Variants in ATP13A1 observed in about 807,000 individuals in gnomAD.
The protein encoded by ATP13A1 is endoplasmic reticulum transmembrane helix translocase.
In ATP13A1, 55 loss-of-function variants were observed where a neutral mutation model predicts 134.8. That is an observed-to-expected ratio of 0.41 (90% CI 0.33 to 0.51). The LOEUF (loss-of-function observed/expected upper bound fraction) is 0.51, where lower values mean the gene tolerates loss of function less well. Among genes scored for constraint, ATP13A1 ranks in the 20% least tolerant of loss-of-function variants. The probability of loss-of-function intolerance (pLI) is 0.29; values close to 1 mark genes in which losing one functional copy is unlikely to be tolerated. For missense variants in ATP13A1, 1,389 were observed against 1,652.8 expected (o/e 0.84, Z 2.77); for synonymous variants, 775 against 725.1 (o/e 1.07, Z -1.10).
In ATP13A1 at chr19:19,654,012, T is replaced by C. The variant is rs903162473; in HGVS notation, c.1946A>G (p.Tyr649Cys). ...YEKLGSTDLCYIAAVKGAPET... is the reference protein window; with the variant it reads ...YEKLGSTDLCCIAAVKGAPET... ...GGGGGCCCCCTTCACGGCCGCGATG[T>C]AGCAGAGGTCGGTGGAGCCCAGCTT... Residue 649 changes from tyrosine to cysteine, a missense_variant, in exon 14 of 26, where the codon TAC (tyrosine) becomes TGC (cysteine). Coordinates refer to ENST00000357324, the MANE Select transcript of ATP13A1 (RefSeq NM_020410.3). 6.3e-7 allele frequency: 1 copy of C among 1,599,190 alleles called. No individual in the cohort carries two copies. The highest frequency in any genetic ancestry group is 8.5e-7 in the Non-Finnish European group (1 of 1,173,292).
intron 16 of ATP13A1, 30 bp downstream of exon 16, chr19:19,652,565 C>A: frequency 6.3e-7 from 1 of 1,596,244 alleles, no homozygotes. Flanking sequence ...ATTTCCCATG[C>A]AGAGGGTGGA....
chr19:19,646,762 C>A, intron 22 of ATP13A1: 1 of 384,424 alleles, frequency 2.6e-6, no homozygotes, highest in Non-Finnish European at 4.8e-6. Context: ...TTCTTTACGC[C>A]TTGGCCTGAG....
At chr19:19,661,951 T>A (rs2062097518) in intron 1 of ATP13A1, 1 of 1,342,692 alleles carries the variant, frequency 7.4e-7, no homozygotes, top group African/African-American at 1.5e-5. Context: ...GCAGATATCA[T>A]CTCCGCTTCT....
Position 19,645,864 on chromosome 19 carries a change from C to T in ATP13A1, c.3360+10G>A. 1.1e-5 allele frequency: 17 copies of T among 1,613,604 alleles called. No individual in the cohort carries two copies. The highest frequency in any genetic ancestry group is 1.3e-5 in the African/African-American group (1 of 75,058). Reference sequence around the variant, plus strand: ...AGACAGTGAATGTTTGGGCAGGGCCCAGGCCTTACTTTGTAATTGATGGCG... The same window carrying T: ...AGACAGTGAATGTTTGGGCAGGGCCTAGGCCTTACTTTGTAATTGATGGCG... On this transcript the variant is annotated intron_variant, in intron 24 of 25. Coordinates refer to ENST00000357324, the MANE Select transcript of ATP13A1 (RefSeq NM_020410.3). The surrounding 1 kb of genome is among the most constrained non-coding windows in gnomAD (Gnocchi z 4.1).
In ATP13A1 at chr19:19,652,739, A is replaced by G. The variant is rs369938079; in HGVS notation, c.2101-19T>C. 1.3e-5 allele frequency: 20 copies of G among 1,593,960 alleles called. No homozygotes were observed. The highest frequency in any genetic ancestry group is 3.4e-5 in the Admixed American group (2 of 58,362). On this transcript the variant is annotated intron_variant, in intron 15 of 25. Transcript: ENST00000357324. The stretch of plus-strand genomic sequence containing the variant: ...CCCGGGCCTGCGGACAGACAGGGGC[A>G]CCCTCACCATCTGTCCCTCCCTCTG...
chr19:19,663,652 C>G lies in ATP13A1; in HGVS notation c.15G>C (p.Ala5=). The G allele has an allele frequency of 7.8e-7, 1 of 1,288,768 alleles. No individual in the cohort carries two copies. Among genetic ancestry groups the G allele is most frequent in the Non-Finnish European group, 9.8e-7 (1 of 1,020,488 alleles). The allele number at this position is 1,288,768 out of a possible 1,614,324, so 79.8% of individuals were successfully genotyped here. MAAA[A]AVGNAVPCGA... ...CGCAGGGCACCGCGTTGCCCACCGC[C>G]GCCGCTGCCGCCATCTTTCCTAGCG... is the stretch of plus-strand genomic sequence containing the variant. Residue 5 remains alanine, a synonymous_variant, in exon 1 of 26, where the codon GCG becomes GCC. Transcript: ENST00000357324.
chr19:19,647,249 G>C lies in ATP13A1; in HGVS notation c.2985C>G (p.Ala995=). The part of the protein sequence containing the change: ...LQMFKILALN[A]LILAYSQSVL... ...CGCTCTGGCTGTAGGCCAGGATGAG[G>C]GCATTGAGCGCCAGGATCTTGAACA... Residue 995 remains alanine (A), a synonymous_variant, in exon 22 of 26, where the codon GCC becomes GCG. Coordinates refer to ENST00000357324, the MANE Select transcript of ATP13A1 (RefSeq NM_020410.3). The surrounding 1 kb of genome is among the most constrained non-coding windows in gnomAD (Gnocchi z 4.8). 2 of 1,613,912 alleles carry C rather than the reference G, an allele frequency of 1.2e-6. No homozygotes were observed. The highest frequency in any genetic ancestry group is 1.7e-6 in the Non-Finnish European group (2 of 1,179,880).
Position 19,656,153 on chromosome 19 carries a change from C to A in ATP13A1, c.1114G>T (p.Val372Leu), listed in dbSNP as rs747514200. 1 of 1,613,254 alleles carries A rather than the reference C, an allele frequency of 6.2e-7. No homozygotes were observed. The highest frequency in any genetic ancestry group is 1.3e-5 in the African/African-American group (1 of 74,910). ...EPIEDLSPDR[V>L]LDLQADSRLH... is the part of the protein sequence containing the mutation. ...CGGGAATCAGCCTGGAGGTCCAGCA[C>A]CCGGTCTGGGCTGAGGTCTTCGATG... is the stretch of plus-strand genomic sequence containing the variant. The change falls in exon 8 of 26, where the codon GTG (valine) becomes TTG (leucine). Residue 372 changes from valine (V) to leucine (L), a missense_variant. Coordinates refer to ENST00000357324, the MANE Select transcript of ATP13A1 (RefSeq NM_020410.3). The surrounding 1 kb of genome is among the most constrained non-coding windows in gnomAD (Gnocchi z 4.6).
chr19:19,656,195 G>A lies in ATP13A1; in HGVS notation c.1084-12C>T. The A allele has an allele frequency of 6.3e-7, 1 of 1,591,706 alleles. No homozygotes were observed. Among genetic ancestry groups the A allele is most frequent in the Non-Finnish European group, 8.6e-7 (1 of 1,167,084 alleles). ...TCTTCGATGGGCTCCTGGGGAGGAA[G>A]ATCGTGAATCTGGATGGCCAGGCCT... On this transcript the variant is annotated splice_polypyrimidine_tract_variant and intron_variant, in intron 7 of 25. Coordinates refer to ENST00000357324, the MANE Select transcript of ATP13A1 (RefSeq NM_020410.3). This position sits in a 1 kb window ranked among gnomAD's most constrained non-coding sequence, Gnocchi z 4.6.
intron 17 of ATP13A1, chr19:19,650,355 G>C (rs2062016514): frequency 5.3e-6 from 1 of 189,536 alleles, no homozygotes; most frequent in Non-Finnish European, 1.1e-5. Flanking sequence ...GTTTTCTCGG[G>C]GCTGGGCCCC....
chr19:19,655,246 G>A lies in ATP13A1; in HGVS notation c.1535-7C>T. On this transcript the variant is annotated splice_region_variant and splice_polypyrimidine_tract_variant and intron_variant, in intron 11 of 25. Coordinates refer to ENST00000357324, the MANE Select transcript of ATP13A1 (RefSeq NM_020410.3). The surrounding 1 kb of genome is among the most constrained non-coding windows in gnomAD (Gnocchi z 5.7). ...GGCTCTGTGCAGTACATGTCTAGGG[G>A]CGGGAGTGAGGTCAGGGGTCCTGCT... 1 of 1,614,000 alleles carries A rather than the reference G, an allele frequency of 6.2e-7. No individual in the cohort carries two copies. Among genetic ancestry groups the A allele is most frequent in the Non-Finnish European group, 8.5e-7 (1 of 1,179,888 alleles).
chr19:19,655,788 C>A lies in ATP13A1; in HGVS notation c.1269+90G>T, dbSNP rs541157249. On this transcript the variant is annotated intron_variant, in intron 9 of 25. Transcript: ENST00000357324. The surrounding 1 kb of genome is among the most constrained non-coding windows in gnomAD (Gnocchi z 5.7). Reference sequence around the variant, plus strand: ...CAGGGCCGTGCTGCCAGAGTCAGCCCGTGGGGCAGATGTTCTGGGGTCGGA... The same window carrying A: ...CAGGGCCGTGCTGCCAGAGTCAGCCAGTGGGGCAGATGTTCTGGGGTCGGA... 3.9e-6 allele frequency: 6 copies of A among 1,535,384 alleles called. No individual in the cohort carries two copies. The highest frequency in any genetic ancestry group is 1.2e-5 in the South Asian group (1 of 84,238).
At chr19:19,658,754 G>A (rs547173483) in intron 3 of ATP13A1, among the ~76,000 whole-genome samples, 12 of 152,248 alleles carry the variant, frequency 7.9e-5, no homozygotes, top group Middle Eastern at 3.4e-3. Flanking sequence ...ACATGGTCAC[G>A]GTCTTCCATC....
Position 19,653,832 on chromosome 19 carries a change from G to T in ATP13A1, c.2052C>A (p.Arg684=). The part of the protein sequence containing the change: ...IHTEISREGA[R]VLALGYKELG... ...GCTCCTTGTACCCCAGCGCCAGGAC[G>T]CGGGCTCCTTCCCGGGAGATCTCGG... The change falls in exon 15 of 26, where the codon CGC becomes CGA. Residue 684 remains arginine (R), a synonymous_variant. Coordinates refer to ENST00000357324, the MANE Select transcript of ATP13A1 (RefSeq NM_020410.3). The surrounding 1 kb of genome is among the most constrained non-coding windows in gnomAD (Gnocchi z 4.2). The T allele has an allele frequency of 3.8e-6, 6 of 1,561,168 alleles. No homozygotes were observed. Among genetic ancestry groups the T allele is most frequent in the Non-Finnish European group, 4.3e-6 (5 of 1,152,972 alleles).
At chr19:19,658,403 G>C (rs1229137595) in intron 3 of ATP13A1, among the ~76,000 whole-genome samples, 2 of 152,182 alleles carry the variant, frequency 1.3e-5, no homozygotes, top group African/African-American at 4.8e-5. Context: ...TTTGCGTTGA[G>C]TAAGAACAGC....
chr19:19,661,661 A>T (rs60030397), intron 1 of ATP13A1, among the ~76,000 whole-genome samples: 3,560 of 152,228 alleles, frequency 0.023, 52 homozygotes, highest in South Asian at 0.04. Flanking sequence ...AGCACCTAAG[A>T]CACAGAAATG....
intron 17 of ATP13A1, 43 bp from the exon 18 acceptor site, chr19:19,649,983 C>G (rs772836781): frequency 6.6e-7 from 1 of 1,522,478 alleles, no homozygotes; most frequent in South Asian, 1.2e-5. Context: ...CTTGGCTGAC[C>G]GGGCTCAGAA....
rs1026535715 is a variant in ATP13A1 at position 19,663,258 on chromosome 19, T to G, written c.396+13A>C. 4 of 1,570,604 alleles carry G rather than the reference T, an allele frequency of 2.5e-6. No individual in the cohort carries two copies. In the African/African-American group the frequency reaches 5.4e-5, roughly 21 times the overall value. On this transcript the variant is annotated intron_variant, in intron 1 of 25. Coordinates refer to ENST00000357324, the MANE Select transcript of ATP13A1 (RefSeq NM_020410.3). ...GACCGTGCTGGGGGTCGGGCTCGCG[T>G]GTACACACTTACCGGGGTGCAGGTG...
chr19:19,662,312 G>T, intron 1 of ATP13A1: 1 of 985,454 alleles, frequency 1.0e-6, no homozygotes, highest in Non-Finnish European at 1.2e-6. Flanking sequence ...AGAACAGGTT[G>T]TCTCTCAGGA....
Sources: allele counts gnomAD v4.1 joint callset (sites outside exome capture counted in the v4.1 genomes callset), GRCh38; gene constraint gnomAD v4.1.1; non-coding constraint Gnocchi (gnomAD v3.1); transcripts MANE v1.5; gene names NCBI Gene and HGNC (gene_info 2026-07-23, HGNC 2026-07-21).